PTPRT: variants seen among roughly 807,000 people sequenced by gnomAD.
PTPRT encodes the protein receptor-type tyrosine-protein phosphatase T.
A neutral mutation model predicts 176.8 loss-of-function variants in PTPRT; 56 were observed. The observed-to-expected ratio is 0.32, with a 90% CI of 0.26 to 0.40. PTPRT has a LOEUF of 0.40. Among genes scored for constraint, PTPRT ranks in the 10% least tolerant of loss-of-function variants. PTPRT has a pLI of 1.00. For synonymous variants in PTPRT, 783 were observed against 739.0 expected, an observed-to-expected ratio of 1.06 and a Z score of -0.96; for missense variants, 1,540 against 1,908.2, an observed-to-expected ratio of 0.81 and a Z score of 3.60.
In PTPRT at chr20:42,813,730, G is replaced by A. The variant is rs867547735; in HGVS notation, c.215-22264C>T. Among the ~76,000 whole-genome samples the A allele has an allele frequency of 2.6e-5, 4 of 152,292 alleles. No individual in the cohort carries two copies. In the South Asian group the frequency reaches 6.2e-4, roughly 24 times the overall value. On this transcript the variant is annotated intron_variant, in intron 2 of 30. Coordinates refer to ENST00000373187, the MANE Select transcript of PTPRT (RefSeq NM_007050.6). ...CTAATGAAACAGTGAGAAGGAAGGA[G>A]AGAGCTCATCTAAGGTGATATTTGG... is the stretch of plus-strand genomic sequence containing the variant.
chr20:42,348,606 T>TA (rs2058231416), intron 11 of PTPRT, among the ~76,000 whole-genome samples: 1 of 152,122 alleles, frequency 6.6e-6, no homozygotes, highest in Non-Finnish European at 1.5e-5. Flanking sequence ...AGGAGACTAT[T>TA]ATACAATGTT....
intron 1 of PTPRT, among the ~76,000 whole-genome samples, chr20:43,059,900 A>G (rs1987384787): frequency 6.6e-6 from 1 of 151,836 alleles, no homozygotes; most frequent in Non-Finnish European, 1.5e-5. Flanking sequence ...AACTGCTTGA[A>G]CCCAGGAGGG....
At chr20:42,854,167 T>C (rs184649957) in intron 2 of PTPRT, among the ~76,000 whole-genome samples, 1 of 152,210 alleles carries the variant, frequency 6.6e-6, no homozygotes, top group African/African-American at 2.4e-5. Context: ...ATGGTGACAT[T>C]CCATCTTCCT....
At chr20:42,383,203 A>G (rs933197436) in intron 9 of PTPRT, among the ~76,000 whole-genome samples, 1 of 152,208 alleles carries the variant, frequency 6.6e-6, no homozygotes, top group Non-Finnish European at 1.5e-5. Flanking sequence ...TTCTGAAATT[A>G]TAGTTACACT....
chr20:42,948,803 A>T (rs1363051078), intron 1 of PTPRT, among the ~76,000 whole-genome samples: 5 of 152,168 alleles, frequency 3.3e-5, no homozygotes, highest in African/African-American at 1.2e-4. Context: ...TGGATAACCA[A>T]CAACCCCAGC....
chr20:43,019,604 C>T (rs536894937), intron 1 of PTPRT, among the ~76,000 whole-genome samples: 2 of 137,354 alleles, frequency 1.5e-5, no homozygotes, highest in African/African-American at 2.9e-5. Flanking sequence ...GGCAACAGAG[C>T]GAGACACCGT....
chr20:43,009,007 T>C (rs1222262632), intron 1 of PTPRT, among the ~76,000 whole-genome samples: 2 of 152,136 alleles, frequency 1.3e-5, no homozygotes, highest in African/African-American at 4.8e-5. Context: ...TCGGAAGGCT[T>C]CATGAGAACA....
At position 42,792,138 on chromosome 20, in the gene PTPRT, G is replaced by A. The variant is rs114821316; in HGVS notation, c.215-672C>T. 3.5e-3 allele frequency among the ~76,000 whole-genome samples: 536 copies of A among 152,290 alleles called. 3 individuals are homozygous for A. Among genetic ancestry groups the A allele is most frequent in the African/African-American group, 0.011 (460 of 41,544 alleles). On this transcript the variant is annotated intron_variant, in intron 2 of 30. Transcript: ENST00000373187. ...TTGGGATCAAGAATACACACATGGA[G>A]GACACCTGACTTGAACTGATCTTAA...
intron 2 of PTPRT, among the ~76,000 whole-genome samples, chr20:42,797,017 T>C (rs80304279): frequency 0.033 from 5,056 of 152,328 alleles, 124 homozygotes; most frequent in Non-Finnish European, 0.056. Flanking sequence ...TATCGCTGCA[T>C]GTAGGTCCTC....
intron 1 of PTPRT, among the ~76,000 whole-genome samples, chr20:43,104,735 A>G (rs2012527298): frequency 1.3e-5 from 2 of 152,228 alleles, no homozygotes; most frequent in South Asian, 2.1e-4. Context: ...TGACAAAAGT[A>G]TAATCCCAGC....
At chr20:42,848,526 G>A (rs2078415180) in intron 2 of PTPRT, among the ~76,000 whole-genome samples, 1 of 152,204 alleles carries the variant, frequency 6.6e-6, no homozygotes, top group Non-Finnish European at 1.5e-5. Context: ...TGCAGGAGGA[G>A]TAAAGTGGTA....
chr20:42,794,105 G>A (rs1569160835), intron 2 of PTPRT, among the ~76,000 whole-genome samples: 1 of 152,192 alleles, frequency 6.6e-6, no homozygotes. Context: ...TAGCAGGGCA[G>A]GCTCGCTGAG....
chr20:42,833,289 G>A (rs1044298071), intron 2 of PTPRT, among the ~76,000 whole-genome samples: 6 of 149,948 alleles, frequency 4.0e-5, no homozygotes, highest in Admixed American at 4.0e-4. Flanking sequence ...AAAAAAACTT[G>A]GCCAAGCATG....
chr20:42,533,769 A>G (rs1025587507), intron 7 of PTPRT, among the ~76,000 whole-genome samples: 5 of 152,234 alleles, frequency 3.3e-5, no homozygotes, highest in Middle Eastern at 3.2e-3. Flanking sequence ...ATTTGCTGTC[A>G]TCGCAGCTTC....
intron 15 of PTPRT, among the ~76,000 whole-genome samples, chr20:42,214,523 C>T (rs1001309903): frequency 6.6e-6 from 1 of 152,206 alleles, no homozygotes; most frequent in South Asian, 2.1e-4. Flanking sequence ...GCAACAGCAG[C>T]AGCAACAGAC....
intron 7 of PTPRT, among the ~76,000 whole-genome samples, chr20:42,548,456 C>T (rs903566290): frequency 6.6e-6 from 1 of 151,690 alleles, no homozygotes; most frequent in Non-Finnish European, 1.5e-5. Context: ...ACTGGATCAC[C>T]CTATGGAAAA....
At chr20:42,944,193 G>C (rs1242679027) in intron 1 of PTPRT, among the ~76,000 whole-genome samples, 1 of 152,080 alleles carries the variant, frequency 6.6e-6, no homozygotes, top group African/African-American at 2.4e-5. Context: ...ACACAAGGGA[G>C]AGCAGAGAAA....
At chr20:42,747,097 C>T (rs1256160152) in intron 6 of PTPRT, among the ~76,000 whole-genome samples, 2 of 152,102 alleles carry the variant, frequency 1.3e-5, no homozygotes, top group East Asian at 1.9e-4. Flanking sequence ...ACAAAGCTCA[C>T]AGCTCCCATA....
At chr20:42,108,116 G>T (rs1233817361) in intron 23 of PTPRT, among the ~76,000 whole-genome samples, 1 of 151,848 alleles carries the variant, frequency 6.6e-6, no homozygotes, top group Non-Finnish European at 1.5e-5. Context: ...GCCCAATTTG[G>T]TTCCAAATTT....
Sources: allele counts gnomAD v4.1 joint callset (sites outside exome capture counted in the v4.1 genomes callset), GRCh38; gene constraint gnomAD v4.1.1; transcripts MANE v1.5; gene names NCBI Gene and HGNC (gene_info 2026-07-23, HGNC 2026-07-21).